The following PRPSAP2 variants were observed in gnomAD, a reference collection of about 807,000 sequenced individuals.
PRPSAP2 encodes the protein phosphoribosyl pyrophosphate synthetase associated protein 2.
In PRPSAP2, 24 loss-of-function variants were observed where a neutral mutation model predicts 40.6. That is an observed-to-expected ratio of 0.59 (90% CI 0.43 to 0.83). The LOEUF (loss-of-function observed/expected upper bound fraction) is 0.83. Among genes scored for constraint, PRPSAP2 ranks in the 40% least tolerant of loss-of-function variants. The pLI is 0.00. For synonymous variants in PRPSAP2, 149 were observed against 164.7 expected (o/e 0.90, Z 0.73); for missense variants, 292 against 465.6 (o/e 0.63, Z 3.43).
chr17:18,916,482 A>G (rs1280321740), intron 9 of PRPSAP2, among the ~76,000 whole-genome samples: 1 of 151,498 alleles, frequency 6.6e-6, no homozygotes, highest in South Asian at 2.1e-4. Context: ...CCCGGGTTCA[A>G]GCGATTCTCC....
At chr17:18,893,792 C>T (rs940401163) in intron 8 of PRPSAP2, among the ~76,000 whole-genome samples, 2 of 152,134 alleles carry the variant, frequency 1.3e-5, no homozygotes, top group African/African-American at 4.8e-5. Context: ...AACTCCTGAC[C>T]TCAAGTGATC....
chr17:18,910,249 A>G (rs777281670), intron 8 of PRPSAP2, among the ~76,000 whole-genome samples: 3 of 152,068 alleles, frequency 2.0e-5, no homozygotes, highest in Non-Finnish European at 4.4e-5. Context: ...GTAAAACCCC[A>G]TCTGTACTAA....
At chr17:18,871,366 C>T (rs1478674853) in intron 4 of PRPSAP2, among the ~76,000 whole-genome samples, 1 of 152,144 alleles carries the variant, frequency 6.6e-6, no homozygotes, top group East Asian at 1.9e-4. Context: ...CACCCCAAAC[C>T]AGGATTCTTA....
intron 5 of PRPSAP2, 41 bp from the exon 6 acceptor site, chr17:18,877,657 T>C: frequency 6.4e-7 from 1 of 1,555,154 alleles, no homozygotes; most frequent in Non-Finnish European, 8.7e-7. Flanking sequence ...GAATACTGTG[T>C]TGTAGATCCC....
intron 8 of PRPSAP2, among the ~76,000 whole-genome samples, chr17:18,905,519 G>T (rs1451266868): frequency 2.0e-5 from 3 of 152,024 alleles, no homozygotes; most frequent in Non-Finnish European, 4.4e-5. Context: ...AATAATCTAT[G>T]TGATGCCAAC....
chr17:18,895,144 G>A (rs898113957), intron 8 of PRPSAP2, among the ~76,000 whole-genome samples: 1 of 148,674 alleles, frequency 6.7e-6, no homozygotes, highest in African/African-American at 2.5e-5. Flanking sequence ...GAGTGCACTG[G>A]TGCCATCACA....
At chr17:18,885,769 T>C (rs1247098842) in intron 7 of PRPSAP2, among the ~76,000 whole-genome samples, 1 of 152,136 alleles carries the variant, frequency 6.6e-6, no homozygotes, top group Non-Finnish European at 1.5e-5. Context: ...GTATTTTTAG[T>C]AGAGACAGGG....
intron 8 of PRPSAP2, among the ~76,000 whole-genome samples, chr17:18,907,203 C>G (rs1314321226): frequency 1.3e-5 from 2 of 151,890 alleles, no homozygotes; most frequent in African/African-American, 4.8e-5. Context: ...GCATTAGGTG[C>G]TGAGGATGGA....
upstream of PRPSAP2, chr17:18,857,935 A>G (rs973256833): frequency 1.3e-5 from 2 of 152,416 alleles, no homozygotes; most frequent in African/African-American, 4.8e-5. Context: ...GTGTGGGGCT[A>G]GCAGCTCCCC....
intron 8 of PRPSAP2, among the ~76,000 whole-genome samples, chr17:18,902,387 T>C (rs1245849180): frequency 6.6e-6 from 1 of 152,214 alleles, no homozygotes; most frequent in African/African-American, 2.4e-5. Context: ...ATCTATGTTA[T>C]GTTATTTGAT....
In PRPSAP2 at chr17:18,877,792, C is replaced by G; in HGVS notation, c.334C>G (p.Pro112Ala). The change falls in exon 6 of 12, where the codon CCT becomes GCT. Residue 112 changes from proline (P) to alanine (A), a missense_variant. Coordinates refer to ENST00000268835, the MANE Select transcript of PRPSAP2 (RefSeq NM_002767.4). Reference protein sequence around the residue: ...KSIIGVIPYFPYSKQCKMRKR... With the variant: ...KSIIGVIPYFAYSKQCKMRKR... ...CATCATTGGCGTGATACCCTACTTT[C>G]CTTACAGCAAGCAGTGCAAGATGAG... 1 of 1,613,894 alleles carries G rather than the reference C, an allele frequency of 6.2e-7. No homozygotes were observed. Among genetic ancestry groups the G allele is most frequent in the Non-Finnish European group, 8.5e-7 (1 of 1,179,856 alleles).
chr17:18,908,620 G>T, intron 8 of PRPSAP2: 1 of 722,636 alleles, frequency 1.4e-6, no homozygotes, highest in Non-Finnish European at 2.6e-6. Flanking sequence ...TAGTGACCAT[G>T]CCTGGGTCTG....
intron 4 of PRPSAP2, among the ~76,000 whole-genome samples, chr17:18,867,965 G>T (rs1364649619): frequency 6.6e-6 from 1 of 151,824 alleles, no homozygotes; most frequent in African/African-American, 2.4e-5. Flanking sequence ...GCAAAACCCT[G>T]TCTCTACTAA....
In PRPSAP2 at chr17:18,896,503, C is replaced by G. The variant is rs150140191; in HGVS notation, c.584+6626C>G. ...AGGTTAGGGGCTTTTCAGGTCCTTC[C>G]TGGGTAAGCGCATGTTCTTTACATG... On this transcript the variant is annotated intron_variant, in intron 8 of 11. Transcript: ENST00000268835. Among the ~76,000 whole-genome samples the G allele has an allele frequency of 9.8e-4, 148 of 151,596 alleles. 1 individual carries two copies. Among genetic ancestry groups the G allele is most frequent in the African/African-American group, 3.5e-3 (145 of 41,290 alleles).
In PRPSAP2 at chr17:18,922,767, G is replaced by A. The variant is rs147034224; in HGVS notation, c.734-1147G>A. ...TGGCTCACTGGAGCCTTGACCTCCC[G>A]GGCCCAAGTGATCCTCTCACCTCAG... On this transcript the variant is annotated intron_variant, in intron 9 of 11. Transcript: ENST00000268835. 2.1e-3 allele frequency among the ~76,000 whole-genome samples: 293 copies of A among 140,352 alleles called. 3 individuals carry two copies. Among genetic ancestry groups the A allele is most frequent in the South Asian group, 0.016 (70 of 4,370 alleles). The allele number at this position is 140,352 out of a possible 152,430, so 92.1% of individuals were successfully genotyped here.
At chr17:18,870,524 C>T (rs1351302912) in intron 4 of PRPSAP2, among the ~76,000 whole-genome samples, 2 of 152,092 alleles carry the variant, frequency 1.3e-5, no homozygotes, top group African/African-American at 4.8e-5. Flanking sequence ...AAATTAACTA[C>T]AGGCAGGGCA....
At chr17:18,863,912 T>C (rs2037239488) in intron 1 of PRPSAP2, among the ~76,000 whole-genome samples, 1 of 148,060 alleles carries the variant, frequency 6.8e-6, no homozygotes, top group Non-Finnish European at 1.5e-5. Flanking sequence ...GGATCTCAGC[T>C]CACTGCAACT....
intron 9 of PRPSAP2, among the ~76,000 whole-genome samples, chr17:18,914,729 CT>C (rs35061539): frequency 7.5e-4 from 108 of 143,714 alleles, no homozygotes; most frequent in Admixed American, 7.7e-4. Context: ...TTTCACTGCC[CT>C]TTTTTTTTTT....
intron 10 of PRPSAP2, among the ~76,000 whole-genome samples, chr17:18,928,076 G>A (rs1269454933): frequency 6.6e-6 from 1 of 152,024 alleles, no homozygotes. Context: ...GAGCCACCAC[G>A]CCTGGCCTTT....
Sources: gnomAD v4.1 joint callset for allele counts (sites outside exome capture counted in the v4.1 genomes callset) on GRCh38, gnomAD v4.1.1 for gene constraint, MANE v1.5 for transcripts, NCBI Gene and HGNC (gene_info 2026-07-23, HGNC 2026-07-21) for gene names.